UBE2W: variants seen among roughly 807,000 people sequenced by gnomAD.
UBE2W encodes the protein ubiquitin conjugating enzyme E2 W, also known as ubiquitin-conjugating enzyme E2 W.
Under a neutral mutation model 27.2 loss-of-function variants are expected in UBE2W, and 18 were observed. That is an observed-to-expected ratio of 0.66 (90% CI 0.46 to 0.98). The LOEUF (loss-of-function observed/expected upper bound fraction) is 0.98, where lower values mean the gene tolerates loss of function less well. Ranked by LOEUF, UBE2W falls within the 50% of genes least tolerant of loss-of-function variation. The probability of loss-of-function intolerance (pLI) is 0.00; values close to 1 mark genes in which losing one functional copy is unlikely to be tolerated. For synonymous variants in UBE2W, 53 were observed against 57.2 expected (o/e 0.93, Z 0.33); for missense variants, 90 against 180.2 (o/e 0.50, Z 2.87).
chr8:73,814,128 C>T (rs1809289972), intron 3 of UBE2W, among the ~76,000 whole-genome samples: 1 of 152,150 alleles, frequency 6.6e-6, no homozygotes, highest in Admixed American at 6.5e-5. Context: ...GTTAGCCATC[C>T]TCATTTATTT....
intron 1 of UBE2W, among the ~76,000 whole-genome samples, chr8:73,872,072 C>T (rs1279996805): frequency 6.6e-6 from 1 of 152,048 alleles, no homozygotes; most frequent in Non-Finnish European, 1.5e-5. Flanking sequence ...TTTTGTCCCA[C>T]GCTGGGATCA....
At chr8:73,796,597 T>C (rs1038203151) in intron 5 of UBE2W, 15 of 963,232 alleles carry the variant, frequency 1.6e-5, no homozygotes, top group Non-Finnish European at 8.6e-6. Context: ...ACTGATATGA[T>C]ACTACCCACC....
chr8:73,850,174 T>C (rs1586521540), intron 1 of UBE2W, among the ~76,000 whole-genome samples: 1 of 152,164 alleles, frequency 6.6e-6, no homozygotes, highest in Admixed American at 6.6e-5. Flanking sequence ...CACATACAAT[T>C]ATACTCAATT....
intron 1 of UBE2W, among the ~76,000 whole-genome samples, chr8:73,867,037 T>C (rs1321718697): frequency 2.6e-5 from 4 of 151,516 alleles, no homozygotes; most frequent in Non-Finnish European, 4.4e-5. Flanking sequence ...TTTGTGAATG[T>C]AATAAATAAT....
intron 2 of UBE2W, among the ~76,000 whole-genome samples, chr8:73,825,758 G>T (rs1415060804): frequency 6.6e-6 from 1 of 152,166 alleles, no homozygotes; most frequent in Non-Finnish European, 1.5e-5. Context: ...CCAAGATCAT[G>T]CCACTGCACT....
At chr8:73,845,313 T>A (rs148677763) in intron 1 of UBE2W, among the ~76,000 whole-genome samples, 5 of 152,306 alleles carry the variant, frequency 3.3e-5, no homozygotes, top group Non-Finnish European at 5.9e-5. Flanking sequence ...TGATACTGTG[T>A]CTGTGTAGAA....
chr8:73,836,163 T>C (rs954941602), intron 1 of UBE2W, among the ~76,000 whole-genome samples: 1 of 152,156 alleles, frequency 6.6e-6, no homozygotes, highest in African/African-American at 2.4e-5. Context: ...TACTTCCTCA[T>C]CAATATCACT....
At chr8:73,834,874 A>G (rs1554582894) in intron 1 of UBE2W, among the ~76,000 whole-genome samples, 1 of 152,200 alleles carries the variant, frequency 6.6e-6, no homozygotes, top group Non-Finnish European at 1.5e-5. Flanking sequence ...ACGCGAATGC[A>G]CTGCAGCCTG....
intron 1 of UBE2W, among the ~76,000 whole-genome samples, chr8:73,845,642 C>T (rs901552858): frequency 1.1e-4 from 17 of 152,094 alleles, no homozygotes; most frequent in African/African-American, 3.9e-4. Context: ...GACCTTCCCT[C>T]CACTATTGTC....
At chr8:73,871,354 A>C (rs1812003455) in intron 1 of UBE2W, among the ~76,000 whole-genome samples, 1 of 152,250 alleles carries the variant, frequency 6.6e-6, no homozygotes, top group Admixed American at 6.5e-5. Context: ...AAGTTTGGGT[A>C]AGATAAATAC....
chr8:73,866,290 AATATATATATATATATATATAT>A (rs71269958), intron 1 of UBE2W, among the ~76,000 whole-genome samples: 1 of 43,092 alleles, frequency 2.3e-5, no homozygotes, highest in African/African-American at 9.9e-5. Context: ...AAAAAAAAAA[AATATATATATATATATATATAT>A]ATATATACTC....
At chr8:73,806,496 G>A (rs1213462446) in intron 4 of UBE2W, among the ~76,000 whole-genome samples, 2 of 147,108 alleles carry the variant, frequency 1.4e-5, no homozygotes, top group East Asian at 4.0e-4. Flanking sequence ...CCAGGAGATC[G>A]AGACCATCCT....
intron 3 of UBE2W, among the ~76,000 whole-genome samples, chr8:73,817,104 T>C (rs919870430): frequency 3.3e-5 from 5 of 149,958 alleles, no homozygotes; most frequent in African/African-American, 1.2e-4. Flanking sequence ...GGCGGGCAGA[T>C]CACAAGGTCA....
At chr8:73,864,511 C>T (rs1035552814) in intron 1 of UBE2W, among the ~76,000 whole-genome samples, 1 of 152,060 alleles carries the variant, frequency 6.6e-6, no homozygotes, top group Non-Finnish European at 1.5e-5. Context: ...GGGTTAGATT[C>T]CTGCCAGCCT....
At chr8:73,832,136 A>AATAAATATATATATATATATATAT in intron 1 of UBE2W, among the ~76,000 whole-genome samples, 1 of 145,414 alleles carries the variant, frequency 6.9e-6, no homozygotes, top group African/African-American at 2.6e-5. Flanking sequence ...AAAATAAATA[A>AATAAATATATATATATATATATAT]ATATATATAT....
intron 1 of UBE2W, among the ~76,000 whole-genome samples, chr8:73,856,136 A>AG (rs1435156913): frequency 6.6e-6 from 1 of 152,194 alleles, no homozygotes; most frequent in Admixed American, 6.5e-5. Flanking sequence ...ATTTGGTTTT[A>AG]GTACAAACTG....
At chr8:73,799,937 C>T (rs1808569348) in intron 5 of UBE2W, among the ~76,000 whole-genome samples, 1 of 152,108 alleles carries the variant, frequency 6.6e-6, no homozygotes, top group African/African-American at 2.4e-5. Flanking sequence ...AGCAGTATAA[C>T]ACCTAGAGCT....
chr8:73,786,515 A>T lies in UBE2W; in HGVS notation c.*7587T>A, dbSNP rs1234481919. ...TGTCCCTACTGTTAAAAAGTTCAGG[A>T]TAGATGACTGGTAGGGAGAGAAGAA... On this transcript the variant is annotated 3_prime_UTR_variant, in exon 6 of 6. Coordinates refer to ENST00000602593, the MANE Select transcript of UBE2W (RefSeq NM_018299.6). 1.0e-6 allele frequency: 1 copy of T among 985,388 alleles called. No homozygotes were observed. The highest frequency in any genetic ancestry group is 1.2e-6 in the Non-Finnish European group (1 of 829,956). The allele number at this position is 985,388 out of a possible 1,614,324, so 61.0% of individuals were successfully genotyped here.
At chr8:73,829,973 G>A (rs148093383) in intron 2 of UBE2W, among the ~76,000 whole-genome samples, 5 of 152,092 alleles carry the variant, frequency 3.3e-5, no homozygotes, top group South Asian at 2.1e-4. Flanking sequence ...TGTACAGGAC[G>A]CAATTGATGT....
Sources: allele counts gnomAD v4.1 joint callset (sites outside exome capture counted in the v4.1 genomes callset), GRCh38; gene constraint gnomAD v4.1.1; transcripts MANE v1.5; gene names NCBI Gene and HGNC (gene_info 2026-07-23, HGNC 2026-07-21).